The following PRKCE variants were observed in gnomAD, a reference collection of about 807,000 sequenced individuals.
The protein encoded by PRKCE is protein kinase C epsilon type.
In PRKCE, 16 loss-of-function variants were observed where a neutral mutation model predicts 85.4. The ratio of observed to expected loss-of-function variants is 0.19; its 90% CI spans 0.13 to 0.28. The LOEUF is 0.28. Among genes scored for constraint, PRKCE ranks in the 10% least tolerant of loss-of-function variants. The pLI is 1.00. For missense variants in PRKCE, 573 were observed against 975.2 expected (o/e 0.59, Z 5.49); for synonymous variants, 388 against 371.5 (o/e 1.04, Z -0.51).
chr2:46,052,174 T>G (rs921686760), intron 10 of PRKCE, among the ~76,000 whole-genome samples: 16 of 152,328 alleles, frequency 1.1e-4, no homozygotes, highest in African/African-American at 3.8e-4. Context: ...AGTAGTTGAG[T>G]CTACCTAAGA....
At chr2:46,081,893 T>C (rs1457567664) in intron 10 of PRKCE, among the ~76,000 whole-genome samples, 1 of 152,042 alleles carries the variant, frequency 6.6e-6, no homozygotes, top group Non-Finnish European at 1.5e-5. Context: ...GTCAGGAGTT[T>C]GAGACCAGCC....
intron 1 of PRKCE, among the ~76,000 whole-genome samples, chr2:45,805,757 C>T (rs1036864148): frequency 3.9e-5 from 6 of 152,092 alleles, no homozygotes; most frequent in Non-Finnish European, 5.9e-5. Context: ...CCACCGTGCC[C>T]GGCCAATTCT....
In PRKCE at chr2:46,151,237, A is replaced by G; in HGVS notation, c.1920+8A>G. On this transcript the variant is annotated splice_region_variant and intron_variant, in intron 13 of 14. Coordinates refer to ENST00000306156, the MANE Select transcript of PRKCE (RefSeq NM_005400.3). ...GTCAGCATCTTGAAAGCTGTGAGTCACTGCCCCTCACCCATGGCTGTGCTC... is the reference window on the plus strand; with the variant it reads ...GTCAGCATCTTGAAAGCTGTGAGTCGCTGCCCCTCACCCATGGCTGTGCTC... 6.3e-7 allele frequency: 1 copy of G among 1,585,714 alleles called. No individual in the cohort carries two copies. Among genetic ancestry groups the G allele is most frequent in the Non-Finnish European group, 8.5e-7 (1 of 1,171,546 alleles).
intron 10 of PRKCE, among the ~76,000 whole-genome samples, chr2:46,084,818 T>G (rs549852153): frequency 2.0e-5 from 3 of 152,136 alleles, no homozygotes; most frequent in African/African-American, 7.2e-5. Flanking sequence ...ATCTGGTCAG[T>G]TTACTGGCCC....
chr2:46,034,061 C>G (rs1707707719), intron 10 of PRKCE, among the ~76,000 whole-genome samples: 1 of 152,200 alleles, frequency 6.6e-6, no homozygotes, highest in Non-Finnish European at 1.5e-5. Context: ...TGGGTAAGGA[C>G]ATAGCCTTAA....
At chr2:45,817,094 T>TGTG (rs772863937) in intron 1 of PRKCE, among the ~76,000 whole-genome samples, 22 of 151,252 alleles carry the variant, frequency 1.5e-4, no homozygotes, top group Non-Finnish European at 2.7e-4. Context: ...TGTGTGTGTG[T>TGTG]GTGTGTGTGT....
chr2:45,814,883 C>T (rs1460582086), intron 1 of PRKCE, among the ~76,000 whole-genome samples: 1 of 152,156 alleles, frequency 6.6e-6, no homozygotes, highest in Non-Finnish European at 1.5e-5. Context: ...AGAAGAGACC[C>T]AAGAAGGGTC....
At chr2:45,897,130 A>G (rs533141141) in intron 2 of PRKCE, among the ~76,000 whole-genome samples, 28 of 152,344 alleles carry the variant, frequency 1.8e-4, no homozygotes, top group African/African-American at 5.8e-4. Flanking sequence ...TAAATATAAC[A>G]TAATATGAAA....
chr2:45,684,905 A>T (rs947384567), intron 1 of PRKCE, among the ~76,000 whole-genome samples: 3 of 152,218 alleles, frequency 2.0e-5, no homozygotes, highest in Admixed American at 1.3e-4. Flanking sequence ...CACCAGAAAG[A>T]GGAAACAGAA....
At chr2:46,165,403 G>T (rs1268003672) in intron 14 of PRKCE, among the ~76,000 whole-genome samples, 1 of 152,230 alleles carries the variant, frequency 6.6e-6, no homozygotes, top group African/African-American at 2.4e-5. Flanking sequence ...TTGCTTCAGA[G>T]CAAGGACACA....
chr2:45,676,511 C>G (rs966034621), intron 1 of PRKCE, among the ~76,000 whole-genome samples: 1 of 152,192 alleles, frequency 6.6e-6, no homozygotes, highest in African/African-American at 2.4e-5. Flanking sequence ...GTTTATAAGA[C>G]TAGAGTATGG....
intron 10 of PRKCE, among the ~76,000 whole-genome samples, chr2:46,016,586 T>C (rs990887823): frequency 3.9e-5 from 6 of 152,060 alleles, no homozygotes; most frequent in Non-Finnish European, 8.8e-5. Flanking sequence ...AAGGAAACCT[T>C]ACATTTGAAT....
At chr2:45,733,904 C>A (rs895896295) in intron 1 of PRKCE, among the ~76,000 whole-genome samples, 1 of 152,210 alleles carries the variant, frequency 6.6e-6, no homozygotes, top group Admixed American at 6.5e-5. Context: ...TGAGCCTGTG[C>A]ACATGGCATT....
chr2:46,073,690 A>G (rs1232351483), intron 10 of PRKCE: 1 of 152,014 alleles, frequency 6.6e-6, no homozygotes, highest in Admixed American at 6.6e-5. Context: ...GACTGTTCTG[A>G]GACTAATCAG....
chr2:45,919,302 G>A (rs563757521), intron 2 of PRKCE, among the ~76,000 whole-genome samples: 3 of 152,332 alleles, frequency 2.0e-5, no homozygotes, highest in African/African-American at 7.2e-5. Flanking sequence ...TGGGAAGGCT[G>A]GGCTGGGCCG....
At chr2:45,916,185 C>T (rs1304407174) in intron 2 of PRKCE, among the ~76,000 whole-genome samples, 1 of 88,440 alleles carries the variant, frequency 1.1e-5, no homozygotes, top group Non-Finnish European at 3.3e-5. Flanking sequence ...AATGTAGTAT[C>T]TTTATGACAG....
At chr2:45,983,916 C>T (rs1703099120) in intron 5 of PRKCE, among the ~76,000 whole-genome samples, 1 of 150,370 alleles carries the variant, frequency 6.7e-6, no homozygotes, top group Non-Finnish European at 1.5e-5. Context: ...CTTCCAGGCA[C>T]ACAGCAGTAT....
chr2:45,667,400 G>A (rs1352918994), intron 1 of PRKCE, among the ~76,000 whole-genome samples: 3 of 151,880 alleles, frequency 2.0e-5, no homozygotes, highest in Non-Finnish European at 4.4e-5. Flanking sequence ...CTCTCACTTC[G>A]GCCTCCCAAA....
chr2:45,737,261 G>A (rs1682149607), intron 1 of PRKCE, among the ~76,000 whole-genome samples: 1 of 152,208 alleles, frequency 6.6e-6, no homozygotes, highest in Non-Finnish European at 1.5e-5. Context: ...CTTGGCCCAC[G>A]TCTTGGCTCA....
Sources: gnomAD v4.1 joint callset for allele counts (sites outside exome capture counted in the v4.1 genomes callset) on GRCh38, gnomAD v4.1.1 for gene constraint, MANE v1.5 for transcripts, NCBI Gene and HGNC (gene_info 2026-07-23, HGNC 2026-07-21) for gene names.